Variants in GRM8 observed in about 807,000 individuals in gnomAD.
The protein encoded by GRM8 is glutamate metabotropic receptor 8, also known as metabotropic glutamate receptor 8.
GRM8 carries 47 observed loss-of-function variants against 87.2 expected under a neutral mutation model. The ratio of observed to expected loss-of-function variants is 0.54; its 90% CI spans 0.43 to 0.69. The LOEUF is 0.69. GRM8 is among the 30% of genes least tolerant of loss of function. The probability of loss-of-function intolerance (pLI) is 0.00; values close to 1 mark genes in which losing one functional copy is unlikely to be tolerated. For missense variants in GRM8, 1,019 were observed against 1,139.2 expected (o/e 0.89, Z 1.52); for synonymous variants, 396 against 404.5 (o/e 0.98, Z 0.25).
At chr7:126,830,680 T>C (rs916205436) in intron 6 of GRM8, among the ~76,000 whole-genome samples, 11 of 152,252 alleles carry the variant, frequency 7.2e-5, no homozygotes, top group African/African-American at 7.2e-5. Flanking sequence ...AGTTTGATCG[T>C]CTGAAGCCTT....
chr7:126,457,077 C>G (rs7801164), intron 9 of GRM8, among the ~76,000 whole-genome samples: 93,664 of 150,854 alleles, frequency 0.62, 29,186 homozygotes, highest in Middle Eastern at 0.75. Flanking sequence ...GTGTGTGTGC[C>G]TGTGTGTGTG....
intron 8 of GRM8, among the ~76,000 whole-genome samples, chr7:126,599,418 T>G (rs1171276063): frequency 6.6e-6 from 1 of 152,156 alleles, no homozygotes; most frequent in East Asian, 1.9e-4. Context: ...CTCACCTTTT[T>G]GGCCTTGTAA....
chr7:127,036,716 T>C (rs1174835875), intron 3 of GRM8, among the ~76,000 whole-genome samples: 2 of 152,132 alleles, frequency 1.3e-5, no homozygotes, highest in African/African-American at 2.4e-5. Context: ...ACACTGCTTG[T>C]TACGCCGCAC....
intron 6 of GRM8, among the ~76,000 whole-genome samples, chr7:126,781,808 T>C (rs1329768431): frequency 6.6e-6 from 1 of 152,154 alleles, no homozygotes; most frequent in African/African-American, 2.4e-5. Flanking sequence ...CTTGACCTCC[T>C]GGGCTCAGGA....
At chr7:126,915,561 CTCACCACA>C (rs1370300757) in intron 3 of GRM8, among the ~76,000 whole-genome samples, 3 of 152,198 alleles carry the variant, frequency 2.0e-5, no homozygotes, top group African/African-American at 4.8e-5. Flanking sequence ...AAAACTTATG[CTCACCACA>C]ATAGAAATGA....
At chr7:127,027,710 A>G (rs1283157488) in intron 3 of GRM8, among the ~76,000 whole-genome samples, 1 of 152,214 alleles carries the variant, frequency 6.6e-6, no homozygotes, top group African/African-American at 2.4e-5. Flanking sequence ...GAAGTTGCTT[A>G]TCAGCTTAAG....
chr7:127,074,157 A>G (rs1822022083), intron 3 of GRM8, among the ~76,000 whole-genome samples: 1 of 152,226 alleles, frequency 6.6e-6, no homozygotes, highest in South Asian at 2.1e-4. Context: ...ATTCCAAACA[A>G]TTTTAAACTT....
chr7:126,465,493 C>A (rs1023862518), intron 9 of GRM8, among the ~76,000 whole-genome samples: 2 of 151,692 alleles, frequency 1.3e-5, no homozygotes, highest in Non-Finnish European at 2.9e-5. Context: ...TTACTTAAGT[C>A]CTCTTTAATT....
intron 2 of GRM8, among the ~76,000 whole-genome samples, chr7:127,193,650 C>T (rs1795135865): frequency 6.6e-6 from 1 of 152,096 alleles, no homozygotes; most frequent in South Asian, 2.1e-4. Flanking sequence ...TACTTTGGGT[C>T]AAGAACGGTA....
chr7:127,093,828 G>GCACAGAA (rs1430540830), intron 3 of GRM8, among the ~76,000 whole-genome samples: 2 of 152,120 alleles, frequency 1.3e-5, no homozygotes, highest in Non-Finnish European at 2.9e-5. Context: ...AGTGAAAAAA[G>GCACAGAA]CACAGAACAA....
At chr7:127,151,390 T>G (rs1035661839) in intron 2 of GRM8, among the ~76,000 whole-genome samples, 6 of 152,078 alleles carry the variant, frequency 3.9e-5, no homozygotes, top group African/African-American at 1.4e-4. Context: ...TCCATGGATC[T>G]TCCTCGGATT....
chr7:127,032,721 C>T (rs947913074), intron 3 of GRM8, among the ~76,000 whole-genome samples: 11 of 152,100 alleles, frequency 7.2e-5, no homozygotes, highest in African/African-American at 2.7e-4. Flanking sequence ...ATTCCCTTTG[C>T]AGAACTCCAA....
intron 2 of GRM8, among the ~76,000 whole-genome samples, chr7:127,133,293 CTGTAA>C (rs1827783324): frequency 6.6e-6 from 1 of 152,054 alleles, no homozygotes; most frequent in South Asian, 2.1e-4. Context: ...TGGCGGGTGC[CTGTAA>C]TCCCAGCTAC....
In GRM8 at chr7:127,106,489, T is replaced by C. The variant is rs1825815153; in HGVS notation, c.727+7A>G. ...CAAATACAATCATCTGATAAATATATGCTTACCAATCTCCCTCGAGATCTG... is the reference window on the plus strand; with the variant it reads ...CAAATACAATCATCTGATAAATATACGCTTACCAATCTCCCTCGAGATCTG... On this transcript the variant is annotated splice_region_variant and intron_variant, in intron 3 of 10. Coordinates refer to ENST00000339582, the MANE Select transcript of GRM8 (RefSeq NM_000845.3). 1 of 1,605,000 alleles carries C rather than the reference T, an allele frequency of 6.2e-7. No homozygotes were observed. Among genetic ancestry groups the C allele is most frequent in the Non-Finnish European group, 8.5e-7 (1 of 1,172,090 alleles).
At chr7:126,882,944 G>C (rs960093264) in intron 6 of GRM8, among the ~76,000 whole-genome samples, 1 of 152,194 alleles carries the variant, frequency 6.6e-6, no homozygotes, top group Non-Finnish European at 1.5e-5. Context: ...AAGGCTGAAG[G>C]CTGTGTCTAT....
At chr7:126,919,722 C>T (rs1289326695) in intron 3 of GRM8, among the ~76,000 whole-genome samples, 1 of 152,150 alleles carries the variant, frequency 6.6e-6, no homozygotes, top group Non-Finnish European at 1.5e-5. Flanking sequence ...ATTTCTCTCT[C>T]CTATTTCTTG....
chr7:126,544,513 T>TTAC (rs1309500505), intron 8 of GRM8, among the ~76,000 whole-genome samples: 1 of 151,994 alleles, frequency 6.6e-6, no homozygotes, highest in Non-Finnish European at 1.5e-5. Flanking sequence ...TTATTTATTA[T>TTAC]TATTATTATT....
rs1259719494 is a variant in GRM8, at chr7:127,242,839, T to C, written c.366A>G (p.Ala122=). 6.2e-7 allele frequency: 1 copy of C among 1,614,088 alleles called. No homozygotes were observed. Among genetic ancestry groups the C allele is most frequent in the African/African-American group, 1.3e-5 (1 of 74,922 alleles). Residue 122 remains alanine (A), a synonymous_variant, in exon 2 of 11, where the codon GCA becomes GCG. Transcript: ENST00000339582. ...ALEQSLTFVQ[A]LIEKDASDVK... Reference sequence around the variant, plus strand: ...CATCCGAAGCATCTTTCTCTATTAATGCCTGCACGAATGTTAGAGACTGCT... The same window carrying C: ...CATCCGAAGCATCTTTCTCTATTAACGCCTGCACGAATGTTAGAGACTGCT...
chr7:126,812,638 T>A (rs1793409790), intron 6 of GRM8, among the ~76,000 whole-genome samples: 1 of 152,006 alleles, frequency 6.6e-6, no homozygotes, highest in African/African-American at 2.4e-5. Flanking sequence ...TGTACTTGAA[T>A]TTTGGTATCT....
Sources: gnomAD v4.1 joint callset for allele counts (sites outside exome capture counted in the v4.1 genomes callset) on GRCh38, gnomAD v4.1.1 for gene constraint, MANE v1.5 for transcripts, NCBI Gene and HGNC (gene_info 2026-07-23, HGNC 2026-07-21) for gene names.